ITGA1: variants seen among roughly 807,000 people sequenced by gnomAD.
ITGA1 encodes the protein integrin alpha-1.
ITGA1 carries 85 observed loss-of-function variants against 145.9 expected under a neutral mutation model. The observed-to-expected ratio is 0.58, with a 90% CI of 0.49 to 0.70. The LOEUF (loss-of-function observed/expected upper bound fraction) is 0.70. Among genes scored for constraint, ITGA1 ranks in the 30% least tolerant of loss-of-function variants. The probability of loss-of-function intolerance (pLI) is 0.00; values close to 1 mark genes in which losing one functional copy is unlikely to be tolerated. For missense variants in ITGA1, 1,351 were observed against 1,418.7 expected (o/e 0.95, Z 0.77); for synonymous variants, 520 against 495.3 (o/e 1.05, Z -0.66).
At chr5:52,836,178 A>T (rs1017698560) in intron 1 of ITGA1, among the ~76,000 whole-genome samples, 3 of 152,150 alleles carry the variant, frequency 2.0e-5, no homozygotes, top group African/African-American at 7.2e-5. Context: ...TTTCTCCCAG[A>T]GTAAGGAATT....
At chr5:52,789,036 T>G (rs1036986174) in intron 1 of ITGA1, among the ~76,000 whole-genome samples, 1 of 152,250 alleles carries the variant, frequency 6.6e-6, no homozygotes, top group Admixed American at 6.5e-5. Flanking sequence ...GGCAGTCTAC[T>G]TTTAAGATGC....
intron 1 of ITGA1, among the ~76,000 whole-genome samples, chr5:52,839,995 C>A (rs1749227600): frequency 6.6e-6 from 1 of 152,108 alleles, no homozygotes; most frequent in African/African-American, 2.4e-5. Flanking sequence ...ACAATGGAAT[C>A]TCTTAGTGCC....
chr5:52,862,028 A>C (rs1475144293), intron 3 of ITGA1, among the ~76,000 whole-genome samples: 1 of 151,588 alleles, frequency 6.6e-6, no homozygotes, highest in African/African-American at 2.4e-5. Context: ...GACCAGCCTG[A>C]CCAACATGGA....
At chr5:52,830,294 A>G (rs1749038496) in intron 1 of ITGA1, among the ~76,000 whole-genome samples, 1 of 152,102 alleles carries the variant, frequency 6.6e-6, no homozygotes, top group African/African-American at 2.4e-5. Context: ...TTTGGATAGT[A>G]TTCCCTGTTA....
At chr5:52,882,216 C>T (rs1166886540) in intron 7 of ITGA1, among the ~76,000 whole-genome samples, 195 bp downstream of exon 7, 3 of 152,086 alleles carry the variant, frequency 2.0e-5, no homozygotes, top group Non-Finnish European at 4.4e-5. Flanking sequence ...CCTTCTTATC[C>T]TTCTCTTGTT....
intron 11 of ITGA1, 45 bp from the exon 12 acceptor site, chr5:52,905,718 C>G (rs1750391851): frequency 1.3e-6 from 2 of 1,531,076 alleles, no homozygotes; most frequent in East Asian, 2.3e-5. Flanking sequence ...TTACATGAAG[C>G]CTTTAAGGGT....
At chr5:52,909,663 A>G (rs1661036928) in intron 13 of ITGA1, among the ~76,000 whole-genome samples, 1 of 151,444 alleles carries the variant, frequency 6.6e-6, no homozygotes, top group Non-Finnish European at 1.5e-5. Context: ...CTTTCTTCCT[A>G]TCATTTTTTG....
In ITGA1 at chr5:52,840,223, C is replaced by T. The variant is rs113249968; in HGVS notation, c.62-9142C>T. Among the ~76,000 whole-genome samples the T allele has an allele frequency of 5.6e-3, 846 of 152,220 alleles. 8 individuals are homozygous for T. Among genetic ancestry groups the T allele is most frequent in the African/African-American group, 0.02 (819 of 41,546 alleles). ...CACTAACGAAAGTACCACTTTTATT[C>T]AGATTCTTATACATGCAAAGGCTTA... On this transcript the variant is annotated intron_variant, in intron 1 of 28. Coordinates refer to ENST00000282588, the MANE Select transcript of ITGA1 (RefSeq NM_181501.2).
At chr5:52,844,734 TA>T (rs1749307572) in intron 1 of ITGA1, among the ~76,000 whole-genome samples, 1 of 152,196 alleles carries the variant, frequency 6.6e-6, no homozygotes, top group African/African-American at 2.4e-5. Flanking sequence ...TATTTCCCAT[TA>T]TTTTTTGTAT....
At chr5:52,948,815 C>A (rs1751173575) in intron 28 of ITGA1, 1 of 152,160 alleles carries the variant, frequency 6.6e-6, no homozygotes. Context: ...GTTCTCAGCA[C>A]TGCACTTACC....
chr5:52,860,477 C>T (rs1261007608), intron 2 of ITGA1, among the ~76,000 whole-genome samples: 7 of 152,046 alleles, frequency 4.6e-5, no homozygotes, highest in Non-Finnish European at 1.0e-4. Context: ...ACCCAGGAGG[C>T]GGAGGTTGCA....
At chr5:52,859,466 A>C (rs143852628) in intron 2 of ITGA1, among the ~76,000 whole-genome samples, 70 of 152,330 alleles carry the variant, frequency 4.6e-4, no homozygotes, top group African/African-American at 1.6e-3. Context: ...TATACAAATC[A>C]GAAATTGCTT....
rs559594775 is a variant in ITGA1 at position 52,905,477 on chromosome 5, T to C, written c.1310-286T>C. The C allele has an allele frequency of 1.6e-4, 37 of 224,540 alleles. No individual in the cohort carries two copies. In the East Asian group the frequency reaches 3.4e-3, roughly 21 times the overall value. 13.9% of individuals were successfully genotyped at this position (224,540 alleles called of 1,614,324 possible). A position where few individuals can be genotyped will look rare whatever the true frequency, so the allele number is the denominator to read the frequency against. ...TTTATTACAAATTGGGGTGGGGATG[T>C]GCAATTTTTTATGTGTGTCATCATT... On this transcript the variant is annotated intron_variant, in intron 11 of 28. Transcript: ENST00000282588.
intron 8 of ITGA1, 133 bp downstream of exon 8, chr5:52,888,098 G>C (rs895179037): frequency 1.0e-5 from 9 of 869,278 alleles, no homozygotes; most frequent in South Asian, 2.1e-5. Flanking sequence ...GTAAGCCCTG[G>C]GAGGACAGAC....
chr5:52,802,282 AATG>A (rs1281077006), intron 1 of ITGA1: 1 of 153,388 alleles, frequency 6.5e-6, no homozygotes, highest in African/African-American at 2.4e-5. Context: ...CATTGCATTT[AATG>A]ATCCCTTTTC....
chr5:52,920,487 G>T lies in ITGA1; in HGVS notation c.2292+19G>T. 6.4e-7 allele frequency: 1 copy of T among 1,567,984 alleles called. No individual in the cohort carries two copies. Among genetic ancestry groups the T allele is most frequent in the South Asian group, 1.2e-5 (1 of 83,504 alleles). On this transcript the variant is annotated intron_variant, in intron 17 of 28. Coordinates refer to ENST00000282588, the MANE Select transcript of ITGA1 (RefSeq NM_181501.2). ...CATGTTGGCAAGTAAATCATATATC[G>T]TTGCTGCCTTATTCCAAATCAAGAA...
intron 22 of ITGA1, 105 bp from the exon 23 acceptor site, chr5:52,933,789 A>G (rs186081633): frequency 6.6e-6 from 3 of 455,142 alleles, no homozygotes; most frequent in Non-Finnish European, 1.2e-5. Flanking sequence ...TGAAATCCCT[A>G]CAAGTATTTT....
intron 7 of ITGA1, among the ~76,000 whole-genome samples, chr5:52,882,688 G>A (rs1749978698): frequency 6.6e-6 from 1 of 152,062 alleles, no homozygotes; most frequent in Non-Finnish European, 1.5e-5. Flanking sequence ...TTATAAGAAC[G>A]AACAGAATTG....
chr5:52,892,043 A>AC lies in ITGA1; in HGVS notation c.925-1632_925-1631insC, dbSNP rs551748588. ...TTCAGATGACACTGTTGAGAATATG[A>AC]AAAGACAATCTACAGACGGGAAGAA... On this transcript the variant is annotated intron_variant, in intron 8 of 28. Transcript: ENST00000282588. Among the ~76,000 whole-genome samples, 470 of 152,302 alleles carry AC rather than the reference A, an allele frequency of 3.1e-3. 2 individuals are homozygous for AC. Among genetic ancestry groups the AC allele is most frequent in the African/African-American group, 0.011 (454 of 41,566 alleles).
Sources: gnomAD v4.1 joint callset for allele counts (sites outside exome capture counted in the v4.1 genomes callset) on GRCh38, gnomAD v4.1.1 for gene constraint, MANE v1.5 for transcripts, NCBI Gene and HGNC (gene_info 2026-07-23, HGNC 2026-07-21) for gene names.